Variants in USH2A observed in about 807,000 individuals in gnomAD.
The protein encoded by USH2A is Usher syndrome 2A (autosomal recessive, mild).
USH2A carries 443 observed loss-of-function variants against 538.9 expected under a neutral mutation model. The ratio of observed to expected loss-of-function variants is 0.82; its 90% CI spans 0.76 to 0.89. USH2A has a LOEUF of 0.89. Among genes scored for constraint, USH2A ranks in the 40% least tolerant of loss-of-function variants. The pLI is 0.00. For synonymous variants in USH2A, 2,413 were observed against 2,273.5 expected (o/e 1.06, Z -1.75); for missense variants, 6,633 against 6,324.8 (o/e 1.05, Z -1.65).
intron 62 of USH2A, among the ~76,000 whole-genome samples, chr1:215,676,520 C>A (rs1280435081): frequency 1.3e-5 from 2 of 152,172 alleles, no homozygotes; most frequent in Non-Finnish European, 2.9e-5. Context: ...CATTTTACAG[C>A]CCTTGGAAGG....
intron 10 of USH2A, among the ~76,000 whole-genome samples, chr1:216,289,838 C>G (rs994247761): frequency 3.2e-4 from 48 of 152,188 alleles, no homozygotes; most frequent in African/African-American, 1.1e-3. Flanking sequence ...TTCTAGAACT[C>G]AATCATGTAA....
chr1:215,689,721 C>T (rs1289076710), intron 61 of USH2A, among the ~76,000 whole-genome samples: 1 of 152,208 alleles, frequency 6.6e-6, no homozygotes, highest in Non-Finnish European at 1.5e-5. Context: ...CAACAGCCAA[C>T]AGGAAGCCAG....
chr1:216,047,345 T>C (rs1011925474), intron 31 of USH2A, among the ~76,000 whole-genome samples: 7 of 152,128 alleles, frequency 4.6e-5, no homozygotes, highest in African/African-American at 1.7e-4. Context: ...TAATGCAACA[T>C]AGGGCCATTT....
rs745539518 is a variant in USH2A, at chr1:215,813,864, T to C, written c.9611A>G (p.His3204Arg). 4.3e-5 allele frequency: 70 copies of C among 1,613,746 alleles called. 1 individual carries two copies. In the East Asian group the frequency reaches 1.4e-3, roughly 32 times the overall value. ...NGVLYNPKPG[H>R]RCCEEKYIPF... is the part of the protein sequence containing the mutation. The stretch of plus-strand genomic sequence containing the variant: ...GATATACTTTTCTTCACAACAGCGA[T>C]GTCCAGGCTTGGGGTTATAGAGCAC... Residue 3204 changes from histidine (H) to arginine (R), a missense_variant, in exon 49 of 72, where the codon CAT becomes CGT. Physicochemically the swap from His to Arg is conservative, Grantham distance 29. Coordinates refer to ENST00000307340, the MANE Select transcript of USH2A (RefSeq NM_206933.4).
intron 44 of USH2A, among the ~76,000 whole-genome samples, chr1:215,866,250 C>T (rs1664465183): frequency 6.6e-6 from 1 of 152,108 alleles, no homozygotes; most frequent in African/African-American, 2.4e-5. Flanking sequence ...GGGATTGACA[C>T]AAATTAACAG....
intron 14 of USH2A, among the ~76,000 whole-genome samples, chr1:216,225,521 T>C (rs1189431012): frequency 2.6e-5 from 4 of 152,188 alleles, no homozygotes; most frequent in Admixed American, 2.6e-4. Context: ...GCTGATCTCC[T>C]TGGGTCCCAT....
rs559332932 is a variant in USH2A at position 215,690,035 on chromosome 1, A to G, written c.12067-9659T>C. On this transcript the variant is annotated intron_variant, in intron 61 of 71. Coordinates refer to ENST00000307340, the MANE Select transcript of USH2A (RefSeq NM_206933.4). The stretch of plus-strand genomic sequence containing the variant: ...CATTTACATACAATTTGGAGAATGA[A>G]AGTAAATCAGTGGCCATTACTCTTC... 8.1e-4 allele frequency among the ~76,000 whole-genome samples: 123 copies of G among 152,316 alleles called. 3 individuals are homozygous for G. In the South Asian group the frequency reaches 0.024, roughly 30 times the overall value.
chr1:215,795,429 G>A (rs940176449), intron 50 of USH2A, among the ~76,000 whole-genome samples: 1 of 152,124 alleles, frequency 6.6e-6, no homozygotes, highest in African/African-American at 2.4e-5. Flanking sequence ...TAGGTTGTAA[G>A]TTCTTGAGGA....
chr1:216,112,925 T>C (rs1331881655), intron 21 of USH2A, among the ~76,000 whole-genome samples: 1 of 152,020 alleles, frequency 6.6e-6, no homozygotes, highest in Non-Finnish European at 1.5e-5. Flanking sequence ...CCCGCGAGCA[T>C]GTGTCCTTAG....
At chr1:215,975,370 AG>A (rs1413237919) in intron 35 of USH2A, among the ~76,000 whole-genome samples, 3 of 151,940 alleles carry the variant, frequency 2.0e-5, no homozygotes, top group African/African-American at 7.2e-5. Flanking sequence ...ATTGCTTTTG[AG>A]GACTTGGTCA....
intron 48 of USH2A, among the ~76,000 whole-genome samples, chr1:215,815,551 A>G (rs992734167): frequency 6.6e-6 from 1 of 152,060 alleles, no homozygotes; most frequent in Non-Finnish European, 1.5e-5. Context: ...GTAAATTTTT[A>G]AAAGTTACAA....
intron 35 of USH2A, among the ~76,000 whole-genome samples, chr1:215,973,087 T>C (rs548330740): frequency 6.6e-6 from 1 of 152,178 alleles, no homozygotes; most frequent in African/African-American, 2.4e-5. Context: ...AAAAATCTTA[T>C]GTACAAATAG....
At chr1:215,754,939 A>G (rs760976852) in intron 58 of USH2A, among the ~76,000 whole-genome samples, 2 of 152,148 alleles carry the variant, frequency 1.3e-5, no homozygotes, top group South Asian at 2.1e-4. Context: ...TTCATGCTGC[A>G]GAGATCATTG....
rs760233343 is a variant in USH2A at position 216,198,356 on chromosome 1, C to T, written c.4040G>A (p.Ser1347Asn). ...FRVLAVNMAG[S>N]VSSAWVSERT... ...TTCTGAGACCCAGGCAGAAGACACACTTCCAGCCATATTCACAGCTAAGAC... is the reference window on the plus strand; with the variant it reads ...TTCTGAGACCCAGGCAGAAGACACATTTCCAGCCATATTCACAGCTAAGAC... The change falls in exon 18 of 72, where the codon AGT (serine) becomes AAT (asparagine). Residue 1347 changes from serine (S) to asparagine (N), a missense_variant. By Grantham distance (46) the Ser-to-Asn change is conservative (BLOSUM62 1). Coordinates refer to ENST00000307340, the MANE Select transcript of USH2A (RefSeq NM_206933.4). 1.9e-6 allele frequency: 3 copies of T among 1,613,936 alleles called. No individual in the cohort carries two copies. The highest frequency in any genetic ancestry group is 1.3e-5 in the African/African-American group (1 of 74,942).
rs556462544 is a variant in USH2A, at chr1:216,207,452, C to T, written c.3158-21G>A. The T allele has an allele frequency of 1.1e-5, 17 of 1,613,686 alleles. No individual in the cohort carries two copies. In the East Asian group the frequency reaches 3.1e-4, roughly 30 times the overall value. ...TGGAGCTAAATTACAATGAAGAGAG[C>T]ATTTATTAGCAAAGCAATCAATAAA... On this transcript the variant is annotated intron_variant, in intron 15 of 71. Transcript: ENST00000307340.
chr1:216,256,965 T>C (rs810115), intron 11 of USH2A, among the ~76,000 whole-genome samples: 95,988 of 151,586 alleles, frequency 0.63, 30,738 homozygotes, highest in East Asian at 0.72. Flanking sequence ...TTTCCCCCTC[T>C]TAATTATTGT....
chr1:216,247,571 G>A (rs1229089060), intron 12 of USH2A, among the ~76,000 whole-genome samples: 1 of 152,080 alleles, frequency 6.6e-6, no homozygotes, highest in African/African-American at 2.4e-5. Context: ...TAAAATTATA[G>A]TAGAATTACA....
chr1:215,809,920 C>T (rs1034514359), intron 49 of USH2A, among the ~76,000 whole-genome samples: 11 of 152,266 alleles, frequency 7.2e-5, no homozygotes, highest in South Asian at 2.1e-4. Flanking sequence ...GGGACCATTG[C>T]GCTTTTTTCC....
chr1:215,665,560 C>T (rs1294338762), intron 64 of USH2A, among the ~76,000 whole-genome samples: 1 of 152,168 alleles, frequency 6.6e-6, no homozygotes, highest in East Asian at 1.9e-4. Flanking sequence ...GAGAGCTATT[C>T]ATTAGCCTCA....
Sources: allele counts gnomAD v4.1 joint callset (sites outside exome capture counted in the v4.1 genomes callset), GRCh38; gene constraint gnomAD v4.1.1; transcripts MANE v1.5; gene names NCBI Gene and HGNC (gene_info 2026-07-23, HGNC 2026-07-21).